Variants in PCDH9 observed in about 807,000 individuals in gnomAD.
PCDH9 encodes protocadherin-9.
Under a neutral mutation model 70.6 loss-of-function variants are expected in PCDH9, and 24 were observed. That is an observed-to-expected ratio of 0.34 (90% CI 0.25 to 0.48). The LOEUF is 0.48. Among genes scored for constraint, PCDH9 ranks in the 20% least tolerant of loss-of-function variants. The probability of loss-of-function intolerance (pLI) is 0.99; values close to 1 mark genes in which losing one functional copy is unlikely to be tolerated. For synonymous variants in PCDH9, 562 were observed against 558.5 expected (o/e 1.01, Z -0.09); for missense variants, 1,281 against 1,503.6 (o/e 0.85, Z 2.45).
In PCDH9 at chr13:66,343,797, C is replaced by T. The variant is rs189791617; in HGVS notation, c.3341-38769G>A. On this transcript the variant is annotated intron_variant, in intron 4 of 4. Transcript: ENST00000377865. ...GTTGCAGGAGTTAGGACATGAACAT[C>T]GCTGTGGGAACGGGGGGCATTGCCT... is the stretch of plus-strand genomic sequence containing the variant. Among the ~76,000 whole-genome samples, 134 of 152,214 alleles carry T rather than the reference C, an allele frequency of 8.8e-4. 1 individual carries two copies. The highest frequency in any genetic ancestry group is 3.0e-3 in the African/African-American group (123 of 41,536).
chr13:67,147,368 T>C (rs745333), intron 2 of PCDH9, among the ~76,000 whole-genome samples: 62,191 of 151,862 alleles, frequency 0.41, 13,398 homozygotes, highest in East Asian at 0.63. Flanking sequence ...CAGGAGGAAA[T>C]GTGAGAGGAA....
intron 3 of PCDH9, among the ~76,000 whole-genome samples, chr13:66,752,240 A>G (rs945422007): frequency 3.3e-5 from 5 of 152,246 alleles, no homozygotes; most frequent in African/African-American, 9.6e-5. Flanking sequence ...AGTGTCTAGT[A>G]TATGTCATGT....
intron 2 of PCDH9, among the ~76,000 whole-genome samples, chr13:67,033,396 G>T (rs185532253): frequency 2.6e-5 from 4 of 152,256 alleles, no homozygotes; most frequent in African/African-American, 9.6e-5. Flanking sequence ...CTGAGTTCAT[G>T]TGTCATAGAT....
At chr13:66,887,724 T>G (rs2082030997) in intron 3 of PCDH9, among the ~76,000 whole-genome samples, 1 of 152,230 alleles carries the variant, frequency 6.6e-6, no homozygotes, top group Non-Finnish European at 1.5e-5. Flanking sequence ...CATTCATATC[T>G]TTATTTCACA....
intron 4 of PCDH9, among the ~76,000 whole-genome samples, chr13:66,621,850 C>T (rs1215820541): frequency 1.3e-5 from 2 of 152,262 alleles, no homozygotes; most frequent in Non-Finnish European, 2.9e-5. Context: ...TTTGGTGGCA[C>T]TTGATGAGCC....
intron 4 of PCDH9, among the ~76,000 whole-genome samples, chr13:66,460,023 A>G (rs1163726380): frequency 6.6e-6 from 1 of 151,946 alleles, no homozygotes; most frequent in East Asian, 1.9e-4. Context: ...AGAAACTAAC[A>G]TGAAATCTGT....
At chr13:66,905,145 T>C (rs2082339344) in intron 2 of PCDH9, among the ~76,000 whole-genome samples, 1 of 151,996 alleles carries the variant, frequency 6.6e-6, no homozygotes, top group African/African-American at 2.4e-5. Context: ...ACAAATTCAC[T>C]GTTAGCAACA....
At chr13:66,456,130 T>G in intron 4 of PCDH9, among the ~76,000 whole-genome samples, 1 of 152,182 alleles carries the variant, frequency 6.6e-6, no homozygotes, top group East Asian at 1.9e-4. Context: ...AATTAAATGC[T>G]TTTTATCTGA....
chr13:66,343,499 A>T lies in PCDH9; in HGVS notation c.3341-38471T>A, dbSNP rs1956163860. On this transcript the variant is annotated intron_variant, in intron 4 of 4. Transcript: ENST00000377865. ...GCTGGGAACCAAGCTCGTCATCTTA[A>T]GGTCTCCTACATTCCTCAACACATT... Among the ~76,000 whole-genome samples the T allele has an allele frequency of 2.0e-5, 3 of 152,208 alleles. No homozygotes were observed. In the South Asian group the frequency reaches 6.2e-4, roughly 31 times the overall value.
chr13:66,934,085 C>T (rs567500284), intron 2 of PCDH9, among the ~76,000 whole-genome samples: 1 of 152,116 alleles, frequency 6.6e-6, no homozygotes, highest in Non-Finnish European at 1.5e-5. Context: ...CTACTGCCTG[C>T]CTTGCTACTA....
intron 2 of PCDH9, among the ~76,000 whole-genome samples, chr13:67,060,795 T>G (rs1193735650): frequency 6.6e-6 from 1 of 152,110 alleles, no homozygotes; most frequent in East Asian, 1.9e-4. Flanking sequence ...CTAGGTGATG[T>G]GAACTGGATA....
chr13:66,485,662 A>T (rs1216482792), intron 4 of PCDH9, among the ~76,000 whole-genome samples: 1 of 152,188 alleles, frequency 6.6e-6, no homozygotes. Flanking sequence ...TGCATAAATT[A>T]TCATAAATTT....
At chr13:66,778,909 TCTA>T (rs2139292796) in intron 3 of PCDH9, among the ~76,000 whole-genome samples, 1 of 152,334 alleles carries the variant, frequency 6.6e-6, no homozygotes, top group Non-Finnish European at 1.5e-5. Flanking sequence ...GTTGTTGCTC[TCTA>T]CTTTCTGTTT....
chr13:66,699,215 C>T (rs1593913789), intron 3 of PCDH9, among the ~76,000 whole-genome samples: 2 of 152,060 alleles, frequency 1.3e-5, no homozygotes, highest in Admixed American at 1.3e-4. Flanking sequence ...CGCCTGGCCC[C>T]AATTCCCATT....
chr13:66,758,576 G>A (rs1200283219), intron 3 of PCDH9, among the ~76,000 whole-genome samples: 1 of 151,662 alleles, frequency 6.6e-6, no homozygotes, highest in Non-Finnish European at 1.5e-5. Flanking sequence ...TTTAACAAGT[G>A]GTCTTCTTTT....
At chr13:66,606,871 T>G (rs1351414985) in intron 4 of PCDH9, among the ~76,000 whole-genome samples, 3 of 152,176 alleles carry the variant, frequency 2.0e-5, no homozygotes, top group Admixed American at 6.6e-5. Context: ...AAAGGAAATC[T>G]GAGCCACTGT....
Position 66,937,935 on chromosome 13 carries a change from ACTC to A in PCDH9, c.3037-34333_3037-34331del, listed in dbSNP as rs377178015. Among the ~76,000 whole-genome samples the A allele has an allele frequency of 6.4e-3, 961 of 151,142 alleles. 9 individuals carry two copies. The highest frequency in any genetic ancestry group is 0.023 in the African/African-American group (927 of 41,182). On this transcript the variant is annotated intron_variant, in intron 2 of 4. Transcript: ENST00000377865. The stretch of plus-strand genomic sequence containing the variant: ...CACGAATCATTCATTGCTCAATAAA[ACTC>A]CTTTAAGTTTAACTCAGCTTAAGTT...
At chr13:66,992,934 C>A (rs191938087) in intron 2 of PCDH9, among the ~76,000 whole-genome samples, 1 of 149,836 alleles carries the variant, frequency 6.7e-6, no homozygotes, top group Non-Finnish European at 1.5e-5. Flanking sequence ...GAATGGACTA[C>A]ATCTAAAATG....
chr13:67,158,562 C>T (rs1291074263), intron 2 of PCDH9, among the ~76,000 whole-genome samples: 2 of 152,166 alleles, frequency 1.3e-5, no homozygotes, highest in Non-Finnish European at 2.9e-5. Context: ...GAATCTCTCC[C>T]TCTGTCTGCT....
Sources: allele counts gnomAD v4.1 joint callset (sites outside exome capture counted in the v4.1 genomes callset), GRCh38; gene constraint gnomAD v4.1.1; transcripts MANE v1.5; gene names NCBI Gene and HGNC (gene_info 2026-07-23, HGNC 2026-07-21).